Variants in ANO4 observed in about 807,000 individuals in gnomAD.
The protein encoded by ANO4 is anoctamin-4.
Under a neutral mutation model 141.9 loss-of-function variants are expected in ANO4, and 69 were observed. That is an observed-to-expected ratio of 0.49 (90% CI 0.40 to 0.59). The LOEUF (loss-of-function observed/expected upper bound fraction) is 0.59. Among genes scored for constraint, ANO4 ranks in the 20% least tolerant of loss-of-function variants. The pLI is 0.00. For synonymous variants in ANO4, 350 were observed against 394.3 expected (o/e 0.89, Z 1.33); for missense variants, 894 against 1,162.2 (o/e 0.77, Z 3.36).
intron 14 of ANO4, among the ~76,000 whole-genome samples, chr12:101,051,790 G>A (rs1228144415): frequency 6.6e-6 from 1 of 152,200 alleles, no homozygotes; most frequent in Non-Finnish European, 1.5e-5. Context: ...TCTACTGCTA[G>A]AATCAGGTAT....
At chr12:100,768,821 T>A (rs1269183129) in intron 3 of ANO4, among the ~76,000 whole-genome samples, 1 of 152,234 alleles carries the variant, frequency 6.6e-6, no homozygotes, top group East Asian at 1.9e-4. Flanking sequence ...AGTGAGTTGA[T>A]ATCACAGTTA....
intron 3 of ANO4, among the ~76,000 whole-genome samples, chr12:100,787,392 A>G (rs1281902625): frequency 6.6e-6 from 1 of 152,210 alleles, no homozygotes; most frequent in African/African-American, 2.4e-5. Context: ...AACTCTGAGT[A>G]TGAGGATGTA....
intron 1 of ANO4, among the ~76,000 whole-genome samples, chr12:100,867,459 G>A (rs1473460392): frequency 2.0e-5 from 3 of 152,150 alleles, no homozygotes; most frequent in Non-Finnish European, 4.4e-5. Context: ...ACAGTCGGGT[G>A]TAGAGAGTTA....
intron 14 of ANO4, among the ~76,000 whole-genome samples, chr12:101,064,305 C>T (rs866207686): frequency 1.3e-5 from 2 of 152,118 alleles, no homozygotes; most frequent in African/African-American, 4.8e-5. Flanking sequence ...TTACCAAATG[C>T]TTGGGAGATT....
chr12:100,912,288 G>A (rs1319100255), intron 2 of ANO4, among the ~76,000 whole-genome samples: 1 of 151,192 alleles, frequency 6.6e-6, no homozygotes, highest in African/African-American at 2.4e-5. Context: ...CCAGCTACTA[G>A]GGAGGCTGAG....
intron 3 of ANO4, among the ~76,000 whole-genome samples, chr12:100,767,746 A>T (rs2033147465): frequency 6.6e-6 from 1 of 152,206 alleles, no homozygotes; most frequent in Admixed American, 6.5e-5. Flanking sequence ...TAGACCATGG[A>T]TTACTGAAAC....
chr12:100,888,096 A>G (rs2039926716), intron 1 of ANO4, among the ~76,000 whole-genome samples: 1 of 152,238 alleles, frequency 6.6e-6, no homozygotes, highest in African/African-American at 2.4e-5. Context: ...GGAGGGAAAA[A>G]AAGATGACCC....
At chr12:100,742,989 C>G in intron 3 of ANO4, among the ~76,000 whole-genome samples, 1 of 152,036 alleles carries the variant, frequency 6.6e-6, no homozygotes, top group East Asian at 1.9e-4. Context: ...CTTGGTCCAT[C>G]CATCTATCCA....
intron 7 of ANO4, among the ~76,000 whole-genome samples, chr12:100,982,169 CA>C (rs1410045027): frequency 6.6e-6 from 1 of 152,176 alleles, no homozygotes; most frequent in Non-Finnish European, 1.5e-5. Flanking sequence ...GTGTCTGATC[CA>C]TTTTCCCTTT....
chr12:100,727,602 GGTT>G (rs1262570658), intron 1 of ANO4, among the ~76,000 whole-genome samples: 1 of 151,766 alleles, frequency 6.6e-6, no homozygotes, highest in East Asian at 1.9e-4. Context: ...AGTTTTTTTT[GGTT>G]GTTGTTTTTA....
At chr12:100,857,106 G>C (rs2038213942) in intron 1 of ANO4, among the ~76,000 whole-genome samples, 1 of 152,108 alleles carries the variant, frequency 6.6e-6, no homozygotes, top group Non-Finnish European at 1.5e-5. Context: ...GGGGCGTATG[G>C]AGACTCAAAT....
intron 1 of ANO4, among the ~76,000 whole-genome samples, chr12:100,842,411 A>ATG (rs112263464): frequency 0.19 from 27,911 of 149,536 alleles, 2,587 homozygotes; most frequent in African/African-American, 0.2. Context: ...GTGTATGTGT[A>ATG]TGTGTGTGTG....
chr12:100,861,652 A>G (rs1410096867), intron 1 of ANO4, among the ~76,000 whole-genome samples: 2 of 152,174 alleles, frequency 1.3e-5, no homozygotes, highest in African/African-American at 4.8e-5. Context: ...GTCTACACTA[A>G]GGTTAAATTT....
chr12:101,087,532 A>T (rs1157768025), intron 17 of ANO4, among the ~76,000 whole-genome samples: 1 of 152,072 alleles, frequency 6.6e-6, no homozygotes. Context: ...AAAAAAACAC[A>T]AAAACAAACA....
intron 8 of ANO4, among the ~76,000 whole-genome samples, chr12:101,014,494 A>C (rs2046234360): frequency 6.6e-6 from 1 of 152,166 alleles, no homozygotes; most frequent in Admixed American, 6.6e-5. Context: ...GGTCTTCCTC[A>C]TGGGGTGTGA....
chr12:100,756,826 G>A (rs994825158), intron 3 of ANO4, among the ~76,000 whole-genome samples: 2 of 151,996 alleles, frequency 1.3e-5, no homozygotes, highest in South Asian at 4.2e-4. Context: ...TCAAATGCTT[G>A]TCCTTGGCTC....
At chr12:101,014,788 C>A (rs939654109) in intron 8 of ANO4, among the ~76,000 whole-genome samples, 1 of 152,072 alleles carries the variant, frequency 6.6e-6, no homozygotes, top group Admixed American at 6.6e-5. Context: ...TGAGAGCAAA[C>A]CTAGAACAGA....
At chr12:101,101,759 T>A (rs1593271271) in intron 22 of ANO4, among the ~76,000 whole-genome samples, 1 of 152,016 alleles carries the variant, frequency 6.6e-6, no homozygotes, top group Non-Finnish European at 1.5e-5. Flanking sequence ...TTTTGTGAGT[T>A]TGCAGATCTT....
intron 1 of ANO4, among the ~76,000 whole-genome samples, chr12:100,883,204 G>C (rs761984551): frequency 3.3e-5 from 5 of 152,252 alleles, no homozygotes; most frequent in Non-Finnish European, 7.3e-5. Context: ...ACATTTGAGA[G>C]AGAGTTTACT....
Sources: gnomAD v4.1 joint callset for allele counts (sites outside exome capture counted in the v4.1 genomes callset) on GRCh38, gnomAD v4.1.1 for gene constraint, MANE v1.5 for transcripts, NCBI Gene and HGNC (gene_info 2026-07-23, HGNC 2026-07-21) for gene names.